Variants in ZNF224 observed in about 807,000 individuals in gnomAD.
ZNF224 encodes bone marrow zinc finger 2.
ZNF224 carries 8 observed loss-of-function variants against 10.5 expected under a neutral mutation model. The ratio of observed to expected loss-of-function variants is 0.76; its 90% CI spans 0.45 to 1.37. The LOEUF (loss-of-function observed/expected upper bound fraction) is 1.37, where lower values mean the gene tolerates loss of function less well. Ranked by LOEUF, ZNF224 falls within the 40% of genes most tolerant of loss-of-function variation. The pLI, the probability that ZNF224 is intolerant of heterozygous loss-of-function variation, is 0.00. For synonymous variants in ZNF224, 282 were observed against 287.8 expected (o/e 0.98, Z 0.20); for missense variants, 754 against 854.0 (o/e 0.88, Z 1.46).
chr19:44,103,909 A>G (rs1967596045), intron 5 of ZNF224, among the ~76,000 whole-genome samples: 1 of 152,118 alleles, frequency 6.6e-6, no homozygotes, highest in Admixed American at 6.6e-5. Flanking sequence ...CAGGCTGGTC[A>G]CCAACTCCTG....
rs1967741075 is a variant in ZNF224, at chr19:44,108,039, G to C, written c.1879G>C (p.Glu627Gln). The C allele has an allele frequency of 6.2e-7, 1 of 1,614,158 alleles. No individual in the cohort carries two copies. Among genetic ancestry groups the C allele is most frequent in the Non-Finnish European group, 8.5e-7 (1 of 1,180,030 alleles). The change falls in exon 6 of 6, where the codon GAG (glutamate) becomes CAG (glutamine). Residue 627 changes from glutamate to glutamine, a missense_variant. Physicochemically the swap from Glu to Gln is conservative, Grantham distance 29. Coordinates refer to ENST00000693561, the MANE Select transcript of ZNF224 (RefSeq NM_001321645.3). ...CAGCAGAGAAACACCTCTCAAATGTGAGCAGCATGGGAAGAACATTGTACA... is the reference window on the plus strand; with the variant it reads ...CAGCAGAGAAACACCTCTCAAATGTCAGCAGCATGGGAAGAACATTGTACA... Reference protein sequence around the residue: ...RHSRETPLKCEQHGKNIVQNS... With the variant: ...RHSRETPLKCQQHGKNIVQNS...
At position 44,106,637 on chromosome 19, in the gene ZNF224, T is replaced by C. The variant is rs1477433910; in HGVS notation, c.477T>C (p.Asp159=). 1 of 1,595,834 alleles carries C rather than the reference T, an allele frequency of 6.3e-7. No individual in the cohort carries two copies. The highest frequency in any genetic ancestry group is 1.3e-5 in the African/African-American group (1 of 74,546). Residue 159 remains aspartate, a synonymous_variant, in exon 6 of 6, where the codon GAT becomes GAC. Coordinates refer to ENST00000693561, the MANE Select transcript of ZNF224 (RefSeq NM_001321645.3). ...ATGGATATAAACCATCCTTCAGTGA[T>C]GTCTCCCACTTTGATTTTCATCAAC... is the stretch of plus-strand genomic sequence containing the variant. ...QGNGYKPSFS[D]VSHFDFHQQL... is the part of the protein sequence containing the mutation.
intron 3 of ZNF224, among the ~76,000 whole-genome samples, chr19:44,099,631 T>C (rs1029133578): frequency 6.6e-6 from 1 of 152,138 alleles, no homozygotes; most frequent in Non-Finnish European, 1.5e-5. Flanking sequence ...GGAAGGAGGA[T>C]TGTTTGAAAC....
At chr19:44,096,500 C>G (rs1314316744) in intron 2 of ZNF224, 69 bp downstream of exon 2, 4 of 152,038 alleles carry the variant, frequency 2.6e-5, no homozygotes, top group Non-Finnish European at 5.9e-5. Context: ...AGATTGTATA[C>G]CAGATAATGT....
Position 44,107,521 on chromosome 19 carries a change from A to C in ZNF224, c.1361A>C (p.Lys454Thr), listed in dbSNP as rs775794004. Residue 454 changes from lysine to threonine, a missense_variant, in exon 6 of 6, where the codon AAA becomes ACA. Physicochemically the swap from Lys to Thr is moderately conservative, Grantham distance 78. Transcript: ENST00000693561. ...DFHQRVHTGE[K>T]LYNCKECGKS... ...CACCAGCGCGTCCATACAGGAGAGA[A>C]ACTGTATAATTGTAAGGAATGTGGG... 4 of 1,610,158 alleles carry C rather than the reference A, an allele frequency of 2.5e-6. No individual in the cohort carries two copies. Among genetic ancestry groups the C allele is most frequent in the Middle Eastern group, 1.7e-4 (1 of 6,028 alleles).
chr19:44,108,887 C>T lies in ZNF224; in HGVS notation c.*603C>T. The T allele has an allele frequency of 4.2e-6, 1 of 240,482 alleles. No homozygotes were observed. The highest frequency in any genetic ancestry group is 8.8e-6 in the Non-Finnish European group (1 of 113,226). The allele number at this position is 240,482 out of a possible 1,614,324, so 14.9% of individuals were successfully genotyped here. A position where few individuals can be genotyped will look rare whatever the true frequency, so the allele number is the denominator to read the frequency against. ...GAAATGCAGAGTAAACTCAGTACTG[C>T]AATCCATAGCAATATTTTGCATATT... On this transcript the variant is annotated 3_prime_UTR_variant, in exon 6 of 6. Coordinates refer to ENST00000693561, the MANE Select transcript of ZNF224 (RefSeq NM_001321645.3).
At chr19:44,100,076 A>G (rs1363912755) in intron 3 of ZNF224, among the ~76,000 whole-genome samples, 1 of 152,252 alleles carries the variant, frequency 6.6e-6, no homozygotes, top group African/African-American at 2.4e-5. Flanking sequence ...ATGTTTATTA[A>G]GTATTCAGTC....
intron 1 of ZNF224, chr19:44,095,230 T>C (rs1053119327): frequency 4.7e-5 from 10 of 212,386 alleles, no homozygotes; most frequent in African/African-American, 2.3e-4. Flanking sequence ...TCCTCGGGCA[T>C]GGGGGTCGAT....
chr19:44,095,449 G>C (rs964200521), intron 1 of ZNF224: 1 of 152,160 alleles, frequency 6.6e-6, no homozygotes, highest in African/African-American at 2.4e-5. Flanking sequence ...TCTTCTCTTG[G>C]GATACGTTGT....
At chr19:44,097,140 T>G in intron 2 of ZNF224, 1 of 179,762 alleles carries the variant, frequency 5.6e-6, no homozygotes, top group Non-Finnish European at 1.2e-5. Context: ...ATAACATTAT[T>G]AGTGGGCATT....
intron 5 of ZNF224, chr19:44,106,185 C>T (rs1022693193): frequency 1.0e-5 from 6 of 580,750 alleles, no homozygotes; most frequent in African/African-American, 3.8e-5. Context: ...TATTGTTTTT[C>T]GTCTTTTATT....
At position 44,107,854 on chromosome 19, in the gene ZNF224, A is replaced by T; in HGVS notation, c.1694A>T (p.Glu565Val). The T allele has an allele frequency of 6.2e-7, 1 of 1,601,704 alleles. No homozygotes were observed. The highest frequency in any genetic ancestry group is 8.5e-7 in the Non-Finnish European group (1 of 1,172,380). The change falls in exon 6 of 6, where the codon GAA becomes GTA. Residue 565 changes from glutamate to valine, a missense_variant. Coordinates refer to ENST00000693561, the MANE Select transcript of ZNF224 (RefSeq NM_001321645.3). ...LLKHQRLHSG[E>V]KPFKCEECGK... ...AAACATCAGAGACTGCACAGTGGAG[A>T]AAAACCATTCAAATGTGAAGAGTGT...
In ZNF224 at chr19:44,106,534, C is replaced by T; in HGVS notation, c.374C>T (p.Ser125Phe). 6 of 1,614,150 alleles carry T rather than the reference C, an allele frequency of 3.7e-6. No homozygotes were observed. The highest frequency in any genetic ancestry group is 5.1e-6 in the Non-Finnish European group (6 of 1,180,012). The change falls in exon 6 of 6, where the codon TCC becomes TTC. Residue 125 changes from serine (S) to phenylalanine (F), a missense_variant. By Grantham distance (155) the Ser-to-Phe change is radical. Transcript: ENST00000693561. ...TTGATGATAAATAGCTCTCAGTTCT[C>T]CAAAGAAGGTGATTTCCCCTGCCAG... is the stretch of plus-strand genomic sequence containing the variant. ...QDLMINSSQF[S>F]KEGDFPCQTE...
intron 5 of ZNF224, among the ~76,000 whole-genome samples, chr19:44,103,467 G>T (rs1051338650): frequency 7.2e-5 from 11 of 152,134 alleles, no homozygotes; most frequent in Non-Finnish European, 1.3e-4. Context: ...CATTTTTCAT[G>T]CATGTAGATG....
rs962241404 is a variant in ZNF224, at chr19:44,106,481, T to C, written c.321T>C (p.Ile107=). ...EWSFQQIWEK[I]ASDLTRSQDL... ...CCTTCCAGCAAATCTGGGAAAAAAT[T>C]GCAAGTGATTTAACCAGGTCTCAAG... The change falls in exon 6 of 6, where the codon ATT becomes ATC. Residue 107 remains isoleucine, a synonymous_variant. Transcript: ENST00000693561. 6.2e-7 allele frequency: 1 copy of C among 1,614,152 alleles called. No homozygotes were observed. The highest frequency in any genetic ancestry group is 1.1e-5 in the South Asian group (1 of 91,088).
Position 44,107,486 on chromosome 19 carries a change from T to C in ZNF224, c.1326T>C (p.Asp442=), listed in dbSNP as rs971391989. The change falls in exon 6 of 6, where the codon GAT becomes GAC. Residue 442 remains aspartate (D), a synonymous_variant. Transcript: ENST00000693561. The part of the protein sequence containing the change: ...ECGKGYKRRL[D]LDFHQRVHTG... ...GGAAGGGCTACAAAAGGAGGTTGGA[T>C]CTTGACTTTCACCAGCGCGTCCATA... is the stretch of plus-strand genomic sequence containing the variant. 1 of 1,603,656 alleles carries C rather than the reference T, an allele frequency of 6.2e-7. No individual in the cohort carries two copies. Among genetic ancestry groups the C allele is most frequent in the African/African-American group, 1.3e-5 (1 of 74,350 alleles).
Position 44,108,325 on chromosome 19 carries a change from A to G in ZNF224, c.*41A>G. ...ATAAAGTCTTCACTCAGTCTTCATG[A>G]ATGCAGTCTCATCTGAAAGTTCACA... is the stretch of plus-strand genomic sequence containing the variant. On this transcript the variant is annotated 3_prime_UTR_variant, in exon 6 of 6. Transcript: ENST00000693561. The G allele has an allele frequency of 6.5e-7, 1 of 1,547,216 alleles. No homozygotes were observed. Among genetic ancestry groups the G allele is most frequent in the East Asian group, 2.3e-5 (1 of 44,402 alleles).
In ZNF224 at chr19:44,101,117, GTT is replaced by G. The variant is rs770587270; in HGVS notation, c.143-14_143-13del. ...GAATGTGTTGGGATTAAGCATGTAA[GTT>G]TGCCTGTTTGCAGGACATCAAGCAT... On this transcript the variant is annotated splice_polypyrimidine_tract_variant and intron_variant, in intron 4 of 5. Transcript: ENST00000693561. The G allele has an allele frequency of 2.5e-6, 4 of 1,613,776 alleles. No individual in the cohort carries two copies. Among genetic ancestry groups the G allele is most frequent in the Non-Finnish European group, 3.4e-6 (4 of 1,179,844 alleles).
Position 44,107,267 on chromosome 19 carries a change from A to G in ZNF224, c.1107A>G (p.Glu369=), listed in dbSNP as rs4508518. 0.79 allele frequency: 1,256,579 copies of G among 1,582,610 alleles called. 505,767 individuals are homozygous for G. The highest frequency in any genetic ancestry group is 0.84 in the Non-Finnish European group (974,900 of 1,165,796). ...LYTHHMVHTG[E]KPYNCKECGK... is the part of the protein sequence containing the mutation. ...CGCATCATATGGTCCACACGGGAGAAAAGCCATATAATTGTAAAGAGTGTG... is the reference window on the plus strand; with the variant it reads ...CGCATCATATGGTCCACACGGGAGAGAAGCCATATAATTGTAAAGAGTGTG... The change falls in exon 6 of 6, where the codon GAA becomes GAG. Residue 369 remains glutamate, a synonymous_variant. Coordinates refer to ENST00000693561, the MANE Select transcript of ZNF224 (RefSeq NM_001321645.3).
Sources: allele counts gnomAD v4.1 joint callset (sites outside exome capture counted in the v4.1 genomes callset), GRCh38; gene constraint gnomAD v4.1.1; transcripts MANE v1.5; gene names NCBI Gene and HGNC (gene_info 2026-07-23, HGNC 2026-07-21).